The following DOCK2 variants were observed in gnomAD, a reference collection of about 807,000 sequenced individuals.
The protein encoded by DOCK2 is dedicator of cytokinesis protein 2.
A neutral mutation model predicts 248.9 loss-of-function variants in DOCK2; 87 were observed. The ratio of observed to expected loss-of-function variants is 0.35; its 90% CI spans 0.29 to 0.42. The LOEUF (loss-of-function observed/expected upper bound fraction) is 0.42. Among genes scored for constraint, DOCK2 ranks in the 10% least tolerant of loss-of-function variants. DOCK2 has a pLI of 1.00. For synonymous variants in DOCK2, 805 were observed against 821.6 expected, an observed-to-expected ratio of 0.98 and a Z score of 0.35; for missense variants, 1,747 against 2,300.2, an observed-to-expected ratio of 0.76 and a Z score of 4.92.
At chr5:169,740,519 G>A (rs1344221398) in intron 22 of DOCK2, among the ~76,000 whole-genome samples, 9 of 152,180 alleles carry the variant, frequency 5.9e-5, no homozygotes, top group Admixed American at 5.9e-4. Context: ...CACCCCAAAT[G>A]TCAGGCTCTG....
intron 6 of DOCK2, among the ~76,000 whole-genome samples, chr5:169,678,963 G>A (rs565682085): frequency 6.9e-4 from 105 of 152,270 alleles, no homozygotes; most frequent in Non-Finnish European, 1.3e-3. Flanking sequence ...GGAGATGAGA[G>A]GTTGACATGA....
intron 26 of DOCK2, among the ~76,000 whole-genome samples, chr5:169,820,085 C>T (rs1256544946): frequency 6.6e-6 from 1 of 152,222 alleles, no homozygotes; most frequent in African/African-American, 2.4e-5. Context: ...GGGCGCCCGC[C>T]ATAGCTGAGG....
chr5:169,651,705 C>G (rs528674811), intron 1 of DOCK2, among the ~76,000 whole-genome samples: 1 of 152,278 alleles, frequency 6.6e-6, no homozygotes, highest in South Asian at 2.1e-4. Flanking sequence ...GGAGTATGTC[C>G]AAGCAACAGC....
At chr5:169,873,009 T>C (rs941791909) in intron 27 of DOCK2, among the ~76,000 whole-genome samples, 1 of 152,202 alleles carries the variant, frequency 6.6e-6, no homozygotes, top group Non-Finnish European at 1.5e-5. Flanking sequence ...GAAATAAAGA[T>C]CGGATCACTC....
In DOCK2 at chr5:169,702,386, GTCA is replaced by G. The variant is rs763078549; in HGVS notation, c.1347_1349del (p.Ile449del). On this transcript the variant is annotated inframe_deletion, in exon 14 of 52. Coordinates refer to ENST00000520908, the MANE Select transcript of DOCK2 (RefSeq NM_004946.3). ...CAAGACCACACAGAGGAATGTGGAA[GTCA>G]TCATGTGTGTGTGCGCGGAGGATGG... 3.7e-6 allele frequency: 6 copies of G among 1,613,906 alleles called. No individual in the cohort carries two copies. The highest frequency in any genetic ancestry group is 5.1e-6 in the Non-Finnish European group (6 of 1,179,922).
intron 27 of DOCK2, among the ~76,000 whole-genome samples, chr5:169,957,537 G>A (rs1233291781): frequency 6.6e-6 from 1 of 152,196 alleles, no homozygotes; most frequent in African/African-American, 2.4e-5. Flanking sequence ...TCAGGTGACT[G>A]CTCCAGGTCA....
chr5:169,735,583 A>G (rs768064508), intron 22 of DOCK2, among the ~76,000 whole-genome samples: 2 of 152,222 alleles, frequency 1.3e-5, no homozygotes, highest in Non-Finnish European at 2.9e-5. Flanking sequence ...TTACATGTAT[A>G]GACGTCAGTT....
chr5:169,680,629 G>A (rs1017595704), intron 6 of DOCK2, among the ~76,000 whole-genome samples: 1 of 152,112 alleles, frequency 6.6e-6, no homozygotes, highest in African/African-American at 2.4e-5. Context: ...GCTGAGGTGG[G>A]AGGATTGCTT....
intron 26 of DOCK2, among the ~76,000 whole-genome samples, chr5:169,835,096 TCATAG>T: frequency 6.6e-6 from 1 of 152,074 alleles, no homozygotes; most frequent in African/African-American, 2.4e-5. Context: ...TGGGAATCCA[TCATAG>T]TTTACAACTT....
In DOCK2 at chr5:169,846,888, G is replaced by A. The variant is rs114109611; in HGVS notation, c.2799+6036G>A. Reference sequence around the variant, plus strand: ...CTTCTGAGTCTCCAAGGTCCATTACGTTACTCTGTATGCCTTTGCATACTC... The same window carrying A: ...CTTCTGAGTCTCCAAGGTCCATTACATTACTCTGTATGCCTTTGCATACTC... On this transcript the variant is annotated intron_variant, in intron 27 of 51. Transcript: ENST00000520908. 2.9e-3 allele frequency among the ~76,000 whole-genome samples: 445 copies of A among 150,940 alleles called. 3 individuals are homozygous for A. Among genetic ancestry groups the A allele is most frequent in the African/African-American group, 0.01 (425 of 40,996 alleles).
At chr5:169,809,567 G>A (rs143375435) in intron 26 of DOCK2, among the ~76,000 whole-genome samples, 57 of 152,178 alleles carry the variant, frequency 3.7e-4, no homozygotes, top group African/African-American at 1.3e-3. Context: ...ATATCCCAGC[G>A]CCAGTCATTT....
intron 35 of DOCK2, among the ~76,000 whole-genome samples, chr5:170,035,881 C>T (rs1756306568): frequency 6.6e-6 from 1 of 152,122 alleles, no homozygotes; most frequent in South Asian, 2.1e-4. Flanking sequence ...GACCACCTGG[C>T]TCAGAATCTG....
At chr5:169,727,920 T>G (rs543789837) in intron 22 of DOCK2, among the ~76,000 whole-genome samples, 4 of 152,280 alleles carry the variant, frequency 2.6e-5, no homozygotes, top group African/African-American at 9.6e-5. Flanking sequence ...AAAGGTTAGT[T>G]CGTGGAAGAT....
chr5:169,845,249 T>TC (rs201242208), intron 27 of DOCK2, among the ~76,000 whole-genome samples: 1,946 of 151,416 alleles, frequency 0.013, 15 homozygotes, highest in Non-Finnish European at 0.02. Context: ...GGCCCACCTG[T>TC]CCCCACTCCC....
chr5:169,841,265 T>G (rs1231742915), intron 27 of DOCK2: 5 of 896,884 alleles, frequency 5.6e-6, no homozygotes, highest in Non-Finnish European at 5.4e-6. Flanking sequence ...CTTCATTGCG[T>G]GTTAATTCTG....
chr5:169,690,458 T>C (rs372768559), intron 9 of DOCK2, among the ~76,000 whole-genome samples: 1 of 152,214 alleles, frequency 6.6e-6, no homozygotes, highest in African/African-American at 2.4e-5. Context: ...TCTTATGTTA[T>C]GTTGTGATTA....
At chr5:169,674,510 C>T in intron 6 of DOCK2, 65 bp downstream of exon 6, 1 of 1,579,040 alleles carries the variant, frequency 6.3e-7, no homozygotes, top group Middle Eastern at 1.7e-4. Flanking sequence ...TCCCTCTCTC[C>T]CCAGAAGCTT....
chr5:169,927,245 C>T (rs529354375), intron 27 of DOCK2, among the ~76,000 whole-genome samples: 3 of 152,064 alleles, frequency 2.0e-5, no homozygotes, highest in South Asian at 2.1e-4. Flanking sequence ...CAGATGAATT[C>T]GGAGAGGTAG....
chr5:169,746,274 A>G (rs760013159), intron 22 of DOCK2, among the ~76,000 whole-genome samples: 2 of 152,164 alleles, frequency 1.3e-5, no homozygotes, highest in Non-Finnish European at 2.9e-5. Context: ...CAGAAGAGGC[A>G]CACACTTAAA....
Sources: allele counts gnomAD v4.1 joint callset (sites outside exome capture counted in the v4.1 genomes callset), GRCh38; gene constraint gnomAD v4.1.1; transcripts MANE v1.5; gene names NCBI Gene and HGNC (gene_info 2026-07-23, HGNC 2026-07-21).